Variants in CSMD3 observed in about 807,000 individuals in gnomAD.
CSMD3 encodes CUB and Sushi multiple domains 3.
CSMD3 carries 177 observed loss-of-function variants against 435.2 expected under a neutral mutation model. That is an observed-to-expected ratio of 0.41 (90% CI 0.36 to 0.46). The LOEUF (loss-of-function observed/expected upper bound fraction) is 0.46, where lower values mean the gene tolerates loss of function less well. CSMD3 is among the 20% of genes least tolerant of loss of function. The pLI is 0.34. For missense variants in CSMD3, 4,265 were observed against 4,504.6 expected (o/e 0.95, Z 1.52); for synonymous variants, 1,656 against 1,520.5 (o/e 1.09, Z -2.07).
chr8:112,690,601 CA>C (rs755937336), intron 13 of CSMD3, among the ~76,000 whole-genome samples: 32 of 134,164 alleles, frequency 2.4e-4, no homozygotes, highest in African/African-American at 4.3e-4. Flanking sequence ...CCCCCCCCAA[CA>C]AAAAAAAAAT....
chr8:113,108,777 C>T (rs2090555732), intron 4 of CSMD3, among the ~76,000 whole-genome samples: 1 of 151,986 alleles, frequency 6.6e-6, no homozygotes, highest in African/African-American at 2.4e-5. Flanking sequence ...CATGAAAAAG[C>T]TGGGTAAAGC....
intron 1 of CSMD3, among the ~76,000 whole-genome samples, chr8:113,419,158 G>T (rs1362543465): frequency 7.0e-6 from 1 of 143,590 alleles, no homozygotes; most frequent in Non-Finnish European, 1.5e-5. Context: ...TCTCACTGTC[G>T]CCAAGGCTGG....
chr8:113,314,491 T>C, intron 2 of CSMD3, 80 bp downstream of exon 2: 1 of 822,234 alleles, frequency 1.2e-6, no homozygotes, highest in Non-Finnish European at 2.1e-6. Context: ...GCATCACAAA[T>C]GTTAAGCATC....
intron 2 of CSMD3, among the ~76,000 whole-genome samples, chr8:113,301,729 T>C (rs2093769837): frequency 6.6e-6 from 1 of 152,062 alleles, no homozygotes; most frequent in Non-Finnish European, 1.5e-5. Flanking sequence ...TAATTATATA[T>C]ATTTTTATGT....
At chr8:112,319,834 G>C (rs568550517) in intron 46 of CSMD3, 67 bp downstream of exon 46, 1 of 1,093,112 alleles carries the variant, frequency 9.1e-7, no homozygotes, top group Admixed American at 1.7e-5. Flanking sequence ...TCTGTATTTT[G>C]GCTTATTTTT....
chr8:112,772,399 G>T (rs1258293646), intron 13 of CSMD3, among the ~76,000 whole-genome samples: 1 of 152,124 alleles, frequency 6.6e-6, no homozygotes, highest in African/African-American at 2.4e-5. Context: ...ACAAATGCTT[G>T]AAGGCAGCAT....
chr8:113,070,142 G>A (rs569383752), intron 5 of CSMD3, among the ~76,000 whole-genome samples: 2 of 152,150 alleles, frequency 1.3e-5, no homozygotes, highest in East Asian at 3.9e-4. Flanking sequence ...GAAAGGTAGG[G>A]GAGAAGGTGG....
intron 40 of CSMD3, among the ~76,000 whole-genome samples, chr8:112,348,378 C>T (rs1031678163): frequency 8.1e-4 from 124 of 152,272 alleles, no homozygotes; most frequent in African/African-American, 2.9e-3. Context: ...AATTTTCCTT[C>T]TTTCCATCAA....
At chr8:112,269,629 A>G (rs1817279349) in intron 59 of CSMD3, among the ~76,000 whole-genome samples, 1 of 152,166 alleles carries the variant, frequency 6.6e-6, no homozygotes, top group Admixed American at 6.6e-5. Context: ...CCTGTTAGAC[A>G]TTGAAAGCTA....
intron 32 of CSMD3, among the ~76,000 whole-genome samples, chr8:112,446,560 AGCAGTT>A (rs1815627657): frequency 6.6e-6 from 1 of 152,208 alleles, no homozygotes; most frequent in African/African-American, 2.4e-5. Flanking sequence ...AACATACTGG[AGCAGTT>A]GCTCATCTGA....
At chr8:112,836,007 A>G (rs1403635122) in intron 11 of CSMD3, among the ~76,000 whole-genome samples, 2 of 151,730 alleles carry the variant, frequency 1.3e-5, no homozygotes, top group African/African-American at 4.8e-5. Flanking sequence ...TTATGGAGTT[A>G]CCCTATTTGT....
rs148831952 is a variant in CSMD3, at chr8:113,246,101, T to G, written c.514+32491A>C. Among the ~76,000 whole-genome samples, 246 of 152,086 alleles carry G rather than the reference T, an allele frequency of 1.6e-3. 6 individuals carry two copies. In the East Asian group the frequency reaches 0.044, roughly 27 times the overall value. On this transcript the variant is annotated intron_variant, in intron 3 of 70. Coordinates refer to ENST00000297405, the MANE Select transcript of CSMD3 (RefSeq NM_198123.2). ...TCTCCTTGAGTTTATCTTACTTGAA[T>G]TTATAGATTAAGATTCTTAATAGAA...
At chr8:113,036,810 T>G (rs985980577) in intron 5 of CSMD3, among the ~76,000 whole-genome samples, 7 of 152,248 alleles carry the variant, frequency 4.6e-5, no homozygotes, top group African/African-American at 1.4e-4. Context: ...CTGCAAAATT[T>G]ATTAATCCTG....
intron 27 of CSMD3, among the ~76,000 whole-genome samples, chr8:112,547,473 A>G (rs1002993564): frequency 6.6e-6 from 1 of 152,046 alleles, no homozygotes; most frequent in African/African-American, 2.4e-5. Context: ...GCTTGAACTT[A>G]GGAGGTTGAG....
At chr8:113,389,489 G>A (rs1427766593) in intron 1 of CSMD3, among the ~76,000 whole-genome samples, 1 of 151,580 alleles carries the variant, frequency 6.6e-6, no homozygotes, top group Non-Finnish European at 1.5e-5. Context: ...GACTTTTGAT[G>A]TGCCATATAT....
intron 2 of CSMD3, among the ~76,000 whole-genome samples, chr8:113,305,183 G>A (rs1248112074): frequency 6.7e-6 from 1 of 150,200 alleles, no homozygotes; most frequent in Non-Finnish European, 1.5e-5. Context: ...GATAGCATTG[G>A]GAGATATACC....
At chr8:112,292,490 G>C (rs371411003) in intron 55 of CSMD3, 47 bp downstream of exon 55, 12 of 1,581,952 alleles carry the variant, frequency 7.6e-6, no homozygotes, top group Non-Finnish European at 1.0e-5. Context: ...ATGTTTATGT[G>C]AATATTATTA....
intron 13 of CSMD3, among the ~76,000 whole-genome samples, chr8:112,752,172 G>A (rs1043528688): frequency 3.3e-5 from 5 of 152,000 alleles, no homozygotes; most frequent in Non-Finnish European, 2.9e-5. Flanking sequence ...TATCCTCTCC[G>A]CCTTGATTTC....
At chr8:113,004,134 A>G (rs1282394589) in intron 6 of CSMD3, among the ~76,000 whole-genome samples, 1 of 152,018 alleles carries the variant, frequency 6.6e-6, no homozygotes, top group African/African-American at 2.4e-5. Context: ...AAAAATGTAG[A>G]ACTATGAGTA....
Sources: gnomAD v4.1 joint callset for allele counts (sites outside exome capture counted in the v4.1 genomes callset) on GRCh38, gnomAD v4.1.1 for gene constraint, MANE v1.5 for transcripts, NCBI Gene and HGNC (gene_info 2026-07-23, HGNC 2026-07-21) for gene names.